The following ARHGAP31 variants were observed in gnomAD, a reference collection of about 807,000 sequenced individuals.
The protein encoded by ARHGAP31 is rho GTPase-activating protein 31.
In ARHGAP31, 34 loss-of-function variants were observed where a neutral mutation model predicts 113.9. That is an observed-to-expected ratio of 0.30 (90% confidence interval 0.23 to 0.40). The LOEUF is 0.40. ARHGAP31 is among the 10% of genes least tolerant of loss of function. The probability of loss-of-function intolerance (pLI) is 1.00; values close to 1 mark genes in which losing one functional copy is unlikely to be tolerated. For missense variants in ARHGAP31, 1,548 were observed against 1,767.1 expected (o/e 0.88, Z 2.22); for synonymous variants, 650 against 684.8 (o/e 0.95, Z 0.79).
intron 10 of ARHGAP31, among the ~76,000 whole-genome samples, chr3:119,407,675 A>T (rs2080676088): frequency 6.6e-6 from 1 of 152,184 alleles, no homozygotes; most frequent in Non-Finnish European, 1.5e-5. Context: ...GACCAAGGAG[A>T]GGTTGGTCTG....
chr3:119,358,136 G>A (rs529453460), intron 1 of ARHGAP31, among the ~76,000 whole-genome samples: 1 of 152,030 alleles, frequency 6.6e-6, no homozygotes, highest in Non-Finnish European at 1.5e-5. Context: ...TAAGAGTCTA[G>A]TATTCAGAAT....
intron 1 of ARHGAP31, among the ~76,000 whole-genome samples, chr3:119,300,674 CA>C (rs893925902): frequency 1.3e-5 from 2 of 150,378 alleles, no homozygotes; most frequent in Non-Finnish European, 1.5e-5. Context: ...ACTAAAAATA[CA>C]AAAAAAAATT....
At chr3:119,367,848 C>T (rs2080262879) in intron 2 of ARHGAP31, among the ~76,000 whole-genome samples, 1 of 144,762 alleles carries the variant, frequency 6.9e-6, no homozygotes, top group South Asian at 2.3e-4. Context: ...CAGAGCGAGA[C>T]TCCATCTCAA....
At chr3:119,379,005 G>A (rs72966424) in intron 3 of ARHGAP31, among the ~76,000 whole-genome samples, 1,859 of 152,284 alleles carry the variant, frequency 0.012, 31 homozygotes, top group African/African-American at 0.043. Context: ...CTTCAAATGC[G>A]AGACCTCAAG....
At position 119,415,469 on chromosome 3, in the gene ARHGAP31, TGTGA is replaced by T; in HGVS notation, c.3544_3547del (p.Ser1182CysfsTer4). 1 of 1,614,106 alleles carries T rather than the reference TGTGA, an allele frequency of 6.2e-7. No individual in the cohort carries two copies. The highest frequency in any genetic ancestry group is 8.5e-7 in the Non-Finnish European group (1 of 1,180,034). ...TGACAGGCCGCCGTAACTCAGCTCCTGTGAGTGTGTCAGCTGTGAGAACCTCCTT... is the reference window on the plus strand; with the variant it reads ...TGACAGGCCGCCGTAACTCAGCTCCTGTGTGTCAGCTGTGAGAACCTCCTT... On this transcript the variant is annotated frameshift_variant, in exon 12 of 12. Coordinates refer to ENST00000264245, the MANE Select transcript of ARHGAP31 (RefSeq NM_020754.4). LOFTEE classifies it high-confidence loss of function.
At chr3:119,345,625 C>G (rs1160111785) in intron 1 of ARHGAP31, among the ~76,000 whole-genome samples, 1 of 152,160 alleles carries the variant, frequency 6.6e-6, no homozygotes. Context: ...ACCCAGCACC[C>G]AGTACCCAAG....
chr3:119,319,522 G>C (rs1576991778), intron 1 of ARHGAP31, among the ~76,000 whole-genome samples: 1 of 152,070 alleles, frequency 6.6e-6, no homozygotes, highest in South Asian at 2.1e-4. Context: ...AGGATATCAA[G>C]CAAGGCAGTT....
intron 6 of ARHGAP31, among the ~76,000 whole-genome samples, chr3:119,385,414 A>G (rs77471592): frequency 0.041 from 6,222 of 152,226 alleles, 396 homozygotes; most frequent in African/African-American, 0.14. Flanking sequence ...GAACATTCAC[A>G]TACACGTTTT....
intron 1 of ARHGAP31, among the ~76,000 whole-genome samples, chr3:119,332,721 A>G (rs16829700): frequency 0.12 from 18,041 of 150,366 alleles, 1,677 homozygotes; most frequent in African/African-American, 0.26. Context: ...CTCATTACTC[A>G]TGCAGCCTGG....
intron 1 of ARHGAP31, chr3:119,324,868 C>A: frequency 2.2e-6 from 1 of 450,698 alleles, no homozygotes; most frequent in South Asian, 1.6e-5. Flanking sequence ...TTGAATAAAC[C>A]AAGGTCTCTT....
At chr3:119,305,354 G>A (rs1431642429) in intron 1 of ARHGAP31, among the ~76,000 whole-genome samples, 2 of 152,172 alleles carry the variant, frequency 1.3e-5, no homozygotes, top group Non-Finnish European at 1.5e-5. Flanking sequence ...AAAACACTTA[G>A]GTTCCAAATG....
chr3:119,316,687 T>C (rs775332924), intron 1 of ARHGAP31, among the ~76,000 whole-genome samples: 6 of 152,216 alleles, frequency 3.9e-5, no homozygotes, highest in African/African-American at 4.8e-5. Context: ...CTCAAGTCTG[T>C]GCTATGCTTT....
At chr3:119,365,995 A>G (rs1476633392) in intron 2 of ARHGAP31, among the ~76,000 whole-genome samples, 1 of 152,134 alleles carries the variant, frequency 6.6e-6, no homozygotes, top group Non-Finnish European at 1.5e-5. Context: ...AATTCTATGT[A>G]TTTATCCTAA....
chr3:119,295,276 G>A (rs1358966992), intron 1 of ARHGAP31, among the ~76,000 whole-genome samples: 1 of 151,894 alleles, frequency 6.6e-6, no homozygotes, highest in African/African-American at 2.4e-5. Flanking sequence ...AAGTTTACCG[G>A]GCCACCTCAG....
At chr3:119,336,585 A>T (rs906943279) in intron 1 of ARHGAP31, among the ~76,000 whole-genome samples, 1 of 152,186 alleles carries the variant, frequency 6.6e-6, no homozygotes, top group African/African-American at 2.4e-5. Flanking sequence ...CTCCCCACAA[A>T]ATATTTTGTT....
chr3:119,325,401 C>G (rs906023511), intron 1 of ARHGAP31, among the ~76,000 whole-genome samples: 2 of 152,232 alleles, frequency 1.3e-5, no homozygotes, highest in Non-Finnish European at 2.9e-5. Context: ...AGGCTGATTT[C>G]AGAGATGTTG....
rs898283312 is a variant in ARHGAP31, at chr3:119,418,074, C to T, written c.*1810C>T. On this transcript the variant is annotated 3_prime_UTR_variant, in exon 12 of 12. Coordinates refer to ENST00000264245, the MANE Select transcript of ARHGAP31 (RefSeq NM_020754.4). ...TCCTCCCTCTCCCTCCCTCCCTCCC[C>T]GCCAATAAGCCTTACAAACAGTTTT... The T allele has an allele frequency of 1.3e-5, 2 of 152,166 alleles. No homozygotes were observed. The highest frequency in any genetic ancestry group is 3.9e-4 in the East Asian group (2 of 5,184). The allele number at this position is 152,166 out of a possible 1,614,324, so 9.4% of individuals were successfully genotyped here. A position where few individuals can be genotyped will look rare whatever the true frequency, so the allele number is the denominator to read the frequency against.
chr3:119,320,621 T>G (rs753695444), intron 1 of ARHGAP31, among the ~76,000 whole-genome samples: 1 of 152,200 alleles, frequency 6.6e-6, no homozygotes, highest in Non-Finnish European at 1.5e-5. Flanking sequence ...TATTCTTCCC[T>G]TTGCCATTAA....
chr3:119,321,557 TTATATA>T lies in ARHGAP31; in HGVS notation c.100+26561_100+26566del, dbSNP rs369934866. On this transcript the variant is annotated intron_variant, in intron 1 of 11. Transcript: ENST00000264245. ...TACACTGTGTGTGTGTATATATATA[TTATATA>T]TATATATGATTTTGTGTCTTGCTTT... Among the ~76,000 whole-genome samples the T allele has an allele frequency of 7.3e-4, 109 of 149,968 alleles. 1 individual carries two copies. The East Asian group carries it at 0.021, about 29-fold the overall frequency.
Sources: allele counts gnomAD v4.1 joint callset (sites outside exome capture counted in the v4.1 genomes callset), GRCh38; gene constraint gnomAD v4.1.1; transcripts MANE v1.5; gene names NCBI Gene and HGNC (gene_info 2026-07-23, HGNC 2026-07-21).